Variants in DENND3 observed in about 807,000 individuals in gnomAD.
DENND3 encodes the protein DENN domain containing 3.
Under a neutral mutation model 135.1 loss-of-function variants are expected in DENND3, and 88 were observed. The ratio of observed to expected loss-of-function variants is 0.65; its 90% CI spans 0.55 to 0.78. DENND3 has a LOEUF of 0.78. Among genes scored for constraint, DENND3 ranks in the 30% least tolerant of loss-of-function variants. DENND3 has a pLI of 0.00. For missense variants in DENND3, 1,392 were observed against 1,688.4 expected (o/e 0.82, Z 3.08); for synonymous variants, 693 against 712.3 (o/e 0.97, Z 0.43).
intron 8 of DENND3, 25 bp from the exon 9 acceptor site, chr8:141,160,607 C>G: frequency 6.3e-7 from 1 of 1,577,272 alleles, no homozygotes; most frequent in Non-Finnish European, 8.7e-7. Flanking sequence ...TGGGGCTGAG[C>G]TAGCTTCGGT....
rs1818143942 is a variant in DENND3, at chr8:141,146,381, A to G, written c.735+2122A>G. The stretch of plus-strand genomic sequence containing the variant: ...GGCCACCTTCCCCTTTTGTTTGTTG[A>G]GAAACATGTCAGGTTGCTCAGCTAT... On this transcript the variant is annotated intron_variant, in intron 5 of 22. Transcript: ENST00000519811. The surrounding 1 kb of genome is among the most constrained non-coding windows in gnomAD (Gnocchi z 4.3). Among the ~76,000 whole-genome samples the G allele has an allele frequency of 6.6e-6, 1 of 152,146 alleles. No homozygotes were observed. The highest frequency in any genetic ancestry group is 1.9e-4 in the East Asian group (1 of 5,194).
chr8:141,171,574 G>A (rs1334432403), intron 13 of DENND3, among the ~76,000 whole-genome samples: 1 of 152,262 alleles, frequency 6.6e-6, no homozygotes, highest in Non-Finnish European at 1.5e-5. Context: ...TGAAACTGGA[G>A]ACAAATGAGG....
chr8:141,151,737 C>G lies in DENND3; in HGVS notation c.974C>G (p.Pro325Arg), dbSNP rs1818821048. The change falls in exon 7 of 23, where the codon CCC becomes CGC. Residue 325 changes from proline (P) to arginine (R), a missense_variant. Physicochemically the swap from Pro to Arg is moderately radical, Grantham distance 103. Transcript: ENST00000519811. ...AYLYPLQWQH[P>R]FVPILSDQML... ...CTGTATCCGCTGCAGTGGCAGCACC[C>G]CTTCGTGCCCATCCTGTCGGACCAG... is the stretch of plus-strand genomic sequence containing the variant. 2 of 1,614,092 alleles carry G rather than the reference C, an allele frequency of 1.2e-6. No homozygotes were observed. The highest frequency in any genetic ancestry group is 2.2e-5 in the South Asian group (2 of 91,088).
intron 13 of DENND3, among the ~76,000 whole-genome samples, chr8:141,170,938 G>A (rs1202693909): frequency 1.3e-5 from 2 of 151,902 alleles, no homozygotes; most frequent in South Asian, 2.1e-4. Context: ...CCCCACCCCC[G>A]CCACACAGTG....
At position 141,145,654 on chromosome 8, in the gene DENND3, A is replaced by G. The variant is rs997246204; in HGVS notation, c.735+1395A>G. 4.0e-5 allele frequency among the ~76,000 whole-genome samples: 6 copies of G among 151,880 alleles called. No homozygotes were observed. In the East Asian group the frequency reaches 1.2e-3, roughly 29 times the overall value. On this transcript the variant is annotated intron_variant, in intron 5 of 22. Transcript: ENST00000519811. ...AGAGTGGGCTGTGATAAACAGAGCT[A>G]GTGATATGTCGTGGCACTTCAGTGG...
chr8:141,173,006 C>CCAGT (rs1041067633), intron 13 of DENND3, among the ~76,000 whole-genome samples: 1 of 150,104 alleles, frequency 6.7e-6, no homozygotes, highest in Non-Finnish European at 1.5e-5. Flanking sequence ...CTGAGGCACC[C>CCAGT]CAGTCAGAGG....
At chr8:141,180,627 A>G in intron 16 of DENND3, 120 bp from the exon 17 acceptor site, 1 of 957,852 alleles carries the variant, frequency 1.0e-6, no homozygotes, top group Non-Finnish European at 1.6e-6. Context: ...TCGTCTTCAC[A>G]AATTAGGAAG....
rs1817219069 is a variant in DENND3, at chr8:141,139,694, T to C, written c.502-1509T>C. On this transcript the variant is annotated intron_variant, in intron 3 of 22. Coordinates refer to ENST00000519811, the MANE Select transcript of DENND3 (RefSeq NM_001352890.3). This position sits in a 1 kb window ranked among gnomAD's most constrained non-coding sequence, Gnocchi z 4.2. ...AATGCGCATGTTGTTTTCGTTATCA[T>C]TAAATATAATACATATTAAAAAAAG... is the stretch of plus-strand genomic sequence containing the variant. 6.6e-6 allele frequency among the ~76,000 whole-genome samples: 1 copy of C among 152,210 alleles called. No individual in the cohort carries two copies. Among genetic ancestry groups the C allele is most frequent in the Non-Finnish European group, 1.5e-5 (1 of 68,046 alleles).
chr8:141,152,895 G>A (rs1374241047), intron 7 of DENND3, among the ~76,000 whole-genome samples: 4 of 152,090 alleles, frequency 2.6e-5, no homozygotes, highest in Non-Finnish European at 5.9e-5. Context: ...TTCTCCTAAC[G>A]TCCGCGCCAG....
chr8:141,192,393 G>A lies in DENND3; in HGVS notation c.3442G>A (p.Glu1148Lys), dbSNP rs1569557189. 1.2e-6 allele frequency: 2 copies of A among 1,614,246 alleles called. No homozygotes were observed. The highest frequency in any genetic ancestry group is 8.5e-7 in the Non-Finnish European group (1 of 1,180,046). Reference protein sequence around the residue: ...NGSLHQELKIEENFKDTSTSF... With the variant: ...NGSLHQELKIKENFKDTSTSF... Reference sequence around the variant, plus strand: ...ATCCCTCCATCAAGAATTGAAGATTGAGGAGAACTTCAAAGACACCAGTAC... The same window carrying A: ...ATCCCTCCATCAAGAATTGAAGATTAAGGAGAACTTCAAAGACACCAGTAC... Residue 1148 changes from glutamate to lysine, a missense_variant, in exon 21 of 23, where the codon GAG (glutamate) becomes AAG (lysine). By Grantham distance (56) the Glu-to-Lys change is moderately conservative. Coordinates refer to ENST00000519811, the MANE Select transcript of DENND3 (RefSeq NM_001352890.3).
rs571518234 is a variant in DENND3 at position 141,194,129 on chromosome 8, G to A, written c.3733G>A (p.Ala1245Thr). Residue 1245 changes from alanine (A) to threonine (T), a missense_variant, in exon 23 of 23, where the codon GCG becomes ACG. Ala to Thr is a moderately conservative substitution (Grantham distance 58). Coordinates refer to ENST00000519811, the MANE Select transcript of DENND3 (RefSeq NM_001352890.3). ...ERKTVEKELV[A>T]HMDTVRTLCS... ...GAAGACCGTGGAGAAGGAGCTGGTG[G>A]CGCACATGGACACCGTGAGGACGCT... is the stretch of plus-strand genomic sequence containing the variant. 107 of 1,614,002 alleles carry A rather than the reference G, an allele frequency of 6.6e-5. No homozygotes were observed. The South Asian group carries it at 1.1e-3, about 17-fold the overall frequency.
In DENND3 at chr8:141,194,120, G is replaced by A; in HGVS notation, c.3724G>A (p.Glu1242Lys). The stretch of plus-strand genomic sequence containing the variant: ...CGCCGAGAGGAAGACCGTGGAGAAG[G>A]AGCTGGTGGCGCACATGGACACCGT... ...IDAERKTVEKELVAHMDTVRT... is the reference protein window; with the variant it reads ...IDAERKTVEKKLVAHMDTVRT... Residue 1242 changes from glutamate (E) to lysine (K), a missense_variant, in exon 23 of 23, where the codon GAG becomes AAG. Coordinates refer to ENST00000519811, the MANE Select transcript of DENND3 (RefSeq NM_001352890.3). 1 of 1,613,996 alleles carries A rather than the reference G, an allele frequency of 6.2e-7. No homozygotes were observed. The highest frequency in any genetic ancestry group is 8.5e-7 in the Non-Finnish European group (1 of 1,180,010).
In DENND3 at chr8:141,141,175, G is replaced by T; in HGVS notation, c.502-28G>T. The T allele has an allele frequency of 6.2e-7, 1 of 1,614,064 alleles. No homozygotes were observed. Among genetic ancestry groups the T allele is most frequent in the South Asian group, 1.1e-5 (1 of 91,062 alleles). ...ACTGGAATTGCCAAGGTGGGGAGGT[G>T]ACCATGTCGCTGTTGCTTTTCATGT... On this transcript the variant is annotated intron_variant, in intron 3 of 22. Transcript: ENST00000519811. This position sits in a 1 kb window ranked among gnomAD's most constrained non-coding sequence, Gnocchi z 5.3.
rs928057833 is a variant in DENND3 at position 141,130,241 on chromosome 8, T to C, written c.102+1432T>C. Among the ~76,000 whole-genome samples, 1 of 152,126 alleles carries C rather than the reference T, an allele frequency of 6.6e-6. No homozygotes were observed. The highest frequency in any genetic ancestry group is 1.5e-5 in the Non-Finnish European group (1 of 68,026). On this transcript the variant is annotated intron_variant, in intron 1 of 22. Coordinates refer to ENST00000519811, the MANE Select transcript of DENND3 (RefSeq NM_001352890.3). This position sits in a 1 kb window ranked among gnomAD's most constrained non-coding sequence, Gnocchi z 4.2. ...TTTTCAATTTCTTTATTATTATTAT[T>C]ATGTTAATAATAGAGAGGAGGTCTC...
chr8:141,179,903 C>A (rs1202123404), intron 16 of DENND3, among the ~76,000 whole-genome samples: 1 of 152,182 alleles, frequency 6.6e-6, no homozygotes, highest in Non-Finnish European at 1.5e-5. Context: ...CTGAGGGAGT[C>A]CTGGACGCAG....
chr8:141,170,150 C>G (rs1569556259), intron 13 of DENND3, among the ~76,000 whole-genome samples: 1 of 152,224 alleles, frequency 6.6e-6, no homozygotes, highest in Non-Finnish European at 1.5e-5. Context: ...TTTCTGTGAG[C>G]TGTGTTGTCA....
intron 6 of DENND3, 48 bp from the exon 7 acceptor site, chr8:141,151,571 T>TA (rs779258151): frequency 1.3e-6 from 2 of 1,561,662 alleles, no homozygotes; most frequent in African/African-American, 2.7e-5. Flanking sequence ...GTCTGTATTT[T>TA]TTTTTTTTTT....
rs1817803011 is a variant in DENND3 at position 141,144,399 on chromosome 8, CCCACA to C, written c.735+141_735+145del. 1.2e-6 allele frequency: 1 copy of C among 859,952 alleles called. No individual in the cohort carries two copies. Among genetic ancestry groups the C allele is most frequent in the African/African-American group, 1.8e-5 (1 of 56,324 alleles). The allele number at this position is 859,952 out of a possible 1,614,324, so 53.3% of individuals were successfully genotyped here. A position where few individuals can be genotyped will look rare whatever the true frequency, so the allele number is the denominator to read the frequency against. On this transcript the variant is annotated intron_variant, in intron 5 of 22. Coordinates refer to ENST00000519811, the MANE Select transcript of DENND3 (RefSeq NM_001352890.3). The surrounding 1 kb of genome is among the most constrained non-coding windows in gnomAD (Gnocchi z 4.4). Reference sequence around the variant, plus strand: ...AATAACATCCTAACCCCCCCGCCTCCCCACAGCTGACTGACTGGACCCCCTTTTGG... The same window carrying C: ...AATAACATCCTAACCCCCCCGCCTCCGCTGACTGACTGGACCCCCTTTTGG...
chr8:141,137,321 C>T lies in DENND3; in HGVS notation c.385+530C>T, dbSNP rs150255362. On this transcript the variant is annotated intron_variant, in intron 2 of 22. Transcript: ENST00000519811. The surrounding 1 kb of genome is among the most constrained non-coding windows in gnomAD (Gnocchi z 4.1). ...AAGCTGAAGGAAATGTAAATCATTG[C>T]GTGTGGTCCCGGTGTTTTGGAGAAT... Among the ~76,000 whole-genome samples the T allele has an allele frequency of 1.9e-3, 292 of 152,306 alleles. 1 individual carries two copies. Among genetic ancestry groups the T allele is most frequent in the African/African-American group, 6.3e-3 (263 of 41,562 alleles).
Sources: gnomAD v4.1 joint callset for allele counts (sites outside exome capture counted in the v4.1 genomes callset) on GRCh38, gnomAD v4.1.1 for gene constraint, Gnocchi (gnomAD v3.1) non-coding constraint, MANE v1.5 for transcripts, NCBI Gene and HGNC (gene_info 2026-07-23, HGNC 2026-07-21) for gene names.